The following RBFOX1 variants were observed in gnomAD, a reference collection of about 807,000 sequenced individuals.
RBFOX1 encodes RNA binding fox-1 homolog 1, also known as RNA binding protein fox-1 homolog 1.
Under a neutral mutation model 57.7 loss-of-function variants are expected in RBFOX1, and 8 were observed. That is an observed-to-expected ratio of 0.14 (90% confidence interval 0.08 to 0.25). The LOEUF is 0.25. Ranked by LOEUF, RBFOX1 falls within the 10% of genes least tolerant of loss-of-function variation. The probability of loss-of-function intolerance (pLI) is 1.00; values close to 1 mark genes in which losing one functional copy is unlikely to be tolerated. For synonymous variants in RBFOX1, 326 were observed against 222.4 expected (o/e 1.47, Z -4.15); for missense variants, 611 against 548.5 (o/e 1.11, Z -1.14).
At chr16:6,681,136 C>A (rs7190860) in intron 3 of RBFOX1, among the ~76,000 whole-genome samples, 3,940 of 151,930 alleles carry the variant, frequency 0.026, 89 homozygotes, top group African/African-American at 0.054. Context: ...CATGGTGAGA[C>A]CCCCATCTCT....
chr16:6,066,484 G>A (rs1418963127), intron 1 of RBFOX1, among the ~76,000 whole-genome samples: 1 of 152,062 alleles, frequency 6.6e-6, no homozygotes, highest in Non-Finnish European at 1.5e-5. Flanking sequence ...ATGCAGCTGA[G>A]AAATGGGAAT....
intron 4 of RBFOX1, among the ~76,000 whole-genome samples, chr16:7,407,394 GTGTGTGTGTGTA>G (rs1228633805): frequency 2.6e-4 from 31 of 120,624 alleles, no homozygotes; most frequent in Non-Finnish European, 5.3e-4. Context: ...GTGTGTGTGT[GTGTGTGTGTGTA>G]TGTGTGTGGT....
At chr16:6,475,943 T>C (rs561346725) in intron 2 of RBFOX1, among the ~76,000 whole-genome samples, 4 of 152,202 alleles carry the variant, frequency 2.6e-5, no homozygotes, top group Admixed American at 6.5e-5. Context: ...AACGTCTTTT[T>C]TTCCCCCTAT....
chr16:5,894,428 T>C (rs2058112276), intron 4 of RBFOX1, among the ~76,000 whole-genome samples: 1 of 151,982 alleles, frequency 6.6e-6, no homozygotes, highest in African/African-American at 2.4e-5. Flanking sequence ...CATGTACCAC[T>C]ACACCTGGCT....
chr16:6,775,348 A>T (rs2154217894), intron 3 of RBFOX1, among the ~76,000 whole-genome samples: 1 of 151,032 alleles, frequency 6.6e-6, no homozygotes. Context: ...AAAAAAAAAA[A>T]AAAAGTAGAC....
chr16:7,497,760 C>A (rs1204325787), intron 4 of RBFOX1, among the ~76,000 whole-genome samples: 2 of 152,190 alleles, frequency 1.3e-5, no homozygotes, highest in Non-Finnish European at 1.5e-5. Flanking sequence ...TGATCAAATT[C>A]AATGGATAAC....
Position 7,100,498 on chromosome 16 carries a change from A to T in RBFOX1, c.27+48400A>T, listed in dbSNP as rs1313911788. On this transcript the variant is annotated intron_variant, in intron 4 of 15. Coordinates refer to ENST00000550418, the MANE Select transcript of RBFOX1 (RefSeq NM_018723.4). The stretch of plus-strand genomic sequence containing the variant: ...AATCATACTATAAACATATTTTCAT[A>T]CAAATTATCTCATAAACATTTTCTA... 2.0e-5 allele frequency among the ~76,000 whole-genome samples: 3 copies of T among 152,102 alleles called. No individual in the cohort carries two copies. The South Asian group carries it at 6.2e-4, about 32-fold the overall frequency.
intron 14 of RBFOX1, among the ~76,000 whole-genome samples, chr16:7,696,111 A>G (rs1466169136): frequency 6.6e-6 from 1 of 152,186 alleles, no homozygotes; most frequent in Admixed American, 6.5e-5. Context: ...TTCTAGCCAC[A>G]TGGAATAGGC....
rs779442570 is a variant in RBFOX1 at position 6,983,665 on chromosome 16, G to C, written c.-15-68392G>C. On this transcript the variant is annotated intron_variant, in intron 3 of 15. Transcript: ENST00000550418. ...CTTAATTATAAATCTCTTGGGAGAAGAGGCAAGGCCTGTCGGTTCCTGGGA... is the reference window on the plus strand; with the variant it reads ...CTTAATTATAAATCTCTTGGGAGAACAGGCAAGGCCTGTCGGTTCCTGGGA... The C allele has an allele frequency of 1.3e-5, 2 of 152,198 alleles. 1 individual carries two copies. The highest frequency in any genetic ancestry group is 4.8e-5 in the African/African-American group (2 of 41,438). The allele number at this position is 152,198 out of a possible 1,614,324, so 9.4% of individuals were successfully genotyped here. A position where few individuals can be genotyped will look rare whatever the true frequency, so the allele number is the denominator to read the frequency against.
chr16:6,932,761 C>G (rs371187033), intron 3 of RBFOX1, among the ~76,000 whole-genome samples: 1 of 152,116 alleles, frequency 6.6e-6, no homozygotes, highest in African/African-American at 2.4e-5. Flanking sequence ...GTAAAATTTA[C>G]CATTTTAACT....
chr16:6,983,119 C>A (rs1040747687), intron 3 of RBFOX1, among the ~76,000 whole-genome samples: 2 of 151,410 alleles, frequency 1.3e-5, no homozygotes, highest in African/African-American at 4.9e-5. Context: ...TTTCCAGATA[C>A]CAAAACTCTT....
At chr16:6,875,590 A>T (rs370883741) in intron 3 of RBFOX1, among the ~76,000 whole-genome samples, 1 of 152,222 alleles carries the variant, frequency 6.6e-6, no homozygotes, top group Non-Finnish European at 1.5e-5. Context: ...ATGTGTTAAG[A>T]CCTTGTTTAT....
intron 4 of RBFOX1, among the ~76,000 whole-genome samples, chr16:7,069,683 A>G (rs1485278541): frequency 1.3e-5 from 2 of 152,158 alleles, no homozygotes; most frequent in Non-Finnish European, 2.9e-5. Flanking sequence ...ATCGTGCCCC[A>G]GCTTCCTCAT....
At chr16:7,334,341 G>T (rs1270169669) in intron 4 of RBFOX1, among the ~76,000 whole-genome samples, 1 of 152,052 alleles carries the variant, frequency 6.6e-6, no homozygotes, top group African/African-American at 2.4e-5. Context: ...GTCTTCCCTG[G>T]TATACACAGG....
At chr16:6,479,220 C>G (rs2095331340) in intron 2 of RBFOX1, among the ~76,000 whole-genome samples, 1 of 152,184 alleles carries the variant, frequency 6.6e-6, no homozygotes, top group African/African-American at 2.4e-5. Context: ...TTAATTGACT[C>G]ACAGTTCTGG....
At chr16:7,071,776 A>T (rs571794475) in intron 4 of RBFOX1, among the ~76,000 whole-genome samples, 4 of 152,062 alleles carry the variant, frequency 2.6e-5, no homozygotes, top group African/African-American at 9.7e-5. Context: ...CTTAAACTTC[A>T]TATACCCAAA....
At chr16:6,875,716 G>T (rs533852882) in intron 3 of RBFOX1, among the ~76,000 whole-genome samples, 1 of 152,266 alleles carries the variant, frequency 6.6e-6, no homozygotes, top group South Asian at 2.1e-4. Context: ...AAATGAATCA[G>T]CGCCACATCT....
chr16:6,967,653 G>A (rs749285818), intron 3 of RBFOX1, among the ~76,000 whole-genome samples: 1 of 152,054 alleles, frequency 6.6e-6, no homozygotes. Flanking sequence ...TGTGTGTTCA[G>A]TAATTATATT....
chr16:6,993,813 A>G (rs1028525492), intron 3 of RBFOX1, among the ~76,000 whole-genome samples: 3 of 152,162 alleles, frequency 2.0e-5, no homozygotes, highest in African/African-American at 4.8e-5. Context: ...GCTGCATTTG[A>G]TAGTATGCTT....
Sources: allele counts gnomAD v4.1 joint callset (sites outside exome capture counted in the v4.1 genomes callset), GRCh38; gene constraint gnomAD v4.1.1; transcripts MANE v1.5; gene names NCBI Gene and HGNC (gene_info 2026-07-23, HGNC 2026-07-21).